Variants in PRDM10 observed in about 807,000 individuals in gnomAD.
The protein encoded by PRDM10 is PR/SET domain 10.
A neutral mutation model predicts 133.1 loss-of-function variants in PRDM10; 65 were observed. The observed-to-expected ratio is 0.49, with a 90% CI of 0.40 to 0.60. The LOEUF (loss-of-function observed/expected upper bound fraction) is 0.60. Among genes scored for constraint, PRDM10 ranks in the 20% least tolerant of loss-of-function variants. The probability of loss-of-function intolerance (pLI) is 0.00; values close to 1 mark genes in which losing one functional copy is unlikely to be tolerated. For missense variants in PRDM10, 1,137 were observed against 1,507.1 expected, an observed-to-expected ratio of 0.75 and a Z score of 4.07; for synonymous variants, 582 against 580.4, an observed-to-expected ratio of 1.00 and a Z score of -0.04.
At chr11:129,937,753 G>T in intron 7 of PRDM10, 83 bp from the exon 8 acceptor site, 2 of 1,292,468 alleles carry the variant, frequency 1.5e-6, no homozygotes, top group Admixed American at 2.0e-5. Flanking sequence ...CCTGCTTACA[G>T]GAAACAATTC....
intron 1 of PRDM10, among the ~76,000 whole-genome samples, chr11:129,969,763 T>A (rs1395816918): frequency 1.3e-5 from 2 of 152,116 alleles, no homozygotes; most frequent in African/African-American, 4.8e-5. Flanking sequence ...GCTGAGATTG[T>A]GCCACCACAC....
At chr11:129,932,051 C>G (rs374436444) in intron 10 of PRDM10, 51 bp downstream of exon 10, 3 of 1,579,100 alleles carry the variant, frequency 1.9e-6, no homozygotes, top group Non-Finnish European at 1.7e-6. Context: ...AGGGATCTGG[C>G]GAGTCCTCCA....
At chr11:129,943,358 CT>C (rs1362800545) in intron 6 of PRDM10, among the ~76,000 whole-genome samples, 2 of 152,214 alleles carry the variant, frequency 1.3e-5, no homozygotes, top group South Asian at 2.1e-4. Flanking sequence ...ACATAATTCT[CT>C]TTGCATTCCA....
intron 1 of PRDM10, among the ~76,000 whole-genome samples, chr11:130,001,432 G>A (rs541079834): frequency 6.6e-6 from 1 of 152,160 alleles, no homozygotes; most frequent in Non-Finnish European, 1.5e-5. Context: ...GTACTGCTAA[G>A]TTTAGAGAAT....
At chr11:129,966,646 C>T (rs906317537) in intron 1 of PRDM10, among the ~76,000 whole-genome samples, 2 of 152,150 alleles carry the variant, frequency 1.3e-5, no homozygotes, top group African/African-American at 2.4e-5. Flanking sequence ...CTTAACCAAC[C>T]GAGGCCCTTA....
intron 4 of PRDM10, among the ~76,000 whole-genome samples, chr11:129,951,632 C>T (rs1474797466): frequency 3.9e-5 from 6 of 152,208 alleles, no homozygotes; most frequent in Admixed American, 6.5e-5. Context: ...TAATGCATTT[C>T]AGGATACAAT....
intron 1 of PRDM10, among the ~76,000 whole-genome samples, chr11:129,995,995 T>C (rs943999119): frequency 2.0e-5 from 3 of 152,052 alleles, no homozygotes; most frequent in African/African-American, 7.2e-5. Context: ...AGGAAAACTT[T>C]ACAAACAACT....
intron 4 of PRDM10, among the ~76,000 whole-genome samples, chr11:129,950,762 C>G (rs529961529): frequency 6.6e-6 from 1 of 152,198 alleles, no homozygotes; most frequent in East Asian, 1.9e-4. Context: ...CTCATAAACT[C>G]GCTCTGCAGA....
chr11:129,968,738 A>T (rs1224819804), intron 1 of PRDM10, among the ~76,000 whole-genome samples: 1 of 152,022 alleles, frequency 6.6e-6, no homozygotes, highest in Non-Finnish European at 1.5e-5. Flanking sequence ...CTGCCCTCCT[A>T]GGAGCCCTGA....
At chr11:129,933,210 A>T (rs1950924926) in intron 9 of PRDM10, among the ~76,000 whole-genome samples, 1 of 152,238 alleles carries the variant, frequency 6.6e-6, no homozygotes, top group South Asian at 2.1e-4. Context: ...AATTTAACAA[A>T]TACTATATAT....
intron 10 of PRDM10, 91 bp from the exon 11 acceptor site, chr11:129,931,349 T>C: frequency 1.4e-6 from 2 of 1,455,726 alleles, no homozygotes; most frequent in Middle Eastern, 1.8e-4. Flanking sequence ...AATGACTAGA[T>C]TCATAATACT....
intron 19 of PRDM10, among the ~76,000 whole-genome samples, chr11:129,906,653 T>C (rs1009148655): frequency 2.0e-5 from 3 of 152,206 alleles, no homozygotes; most frequent in African/African-American, 7.2e-5. Context: ...TTTTTCTTTA[T>C]AAAAGTTTTC....
At position 129,943,620 on chromosome 11, in the gene PRDM10, G is replaced by C. The variant is rs189298730; in HGVS notation, c.763-991C>G. Among the ~76,000 whole-genome samples the C allele has an allele frequency of 5.9e-3, 902 of 152,130 alleles. 4 individuals are homozygous for C. Among genetic ancestry groups the C allele is most frequent in the Middle Eastern group, 0.02 (6 of 294 alleles). On this transcript the variant is annotated intron_variant, in intron 6 of 20. Transcript: ENST00000360871. ...CATGCCTGTAATCCTAGCACTTTGA[G>C]AGCCCAAGGCAGGAAGATCACTTGA...
At position 129,935,013 on chromosome 11, in the gene PRDM10, C is replaced by T. The variant is rs185334436; in HGVS notation, c.1157+88G>A. 31 of 1,151,978 alleles carry T rather than the reference C, an allele frequency of 2.7e-5. No homozygotes were observed. The African/African-American group carries it at 3.0e-4, about 11-fold the overall frequency. The allele number at this position is 1,151,978 out of a possible 1,614,324, so 71.4% of individuals were successfully genotyped here. On this transcript the variant is annotated intron_variant, in intron 9 of 20. Transcript: ENST00000360871. Reference sequence around the variant, plus strand: ...TGGTTACCTATCTATACATGACACTCGGAGACACTCATTAGCTAGTGGACA... The same window carrying T: ...TGGTTACCTATCTATACATGACACTTGGAGACACTCATTAGCTAGTGGACA...
chr11:129,967,194 G>C (rs1565500505), intron 1 of PRDM10, among the ~76,000 whole-genome samples: 1 of 152,060 alleles, frequency 6.6e-6, no homozygotes, highest in Non-Finnish European at 1.5e-5. Context: ...TTCGAGACCA[G>C]CCTGGCCAAC....
intron 19 of PRDM10, 82 bp downstream of exon 19, chr11:129,910,394 C>T: frequency 6.4e-7 from 1 of 1,568,514 alleles, no homozygotes; most frequent in Non-Finnish European, 8.7e-7. Flanking sequence ...CTTTAAAAAT[C>T]TATCACAAGC....
rs1617778 is a variant in PRDM10 at position 129,901,212 on chromosome 11, C to T, written c.*1101G>A. ...ATTTTTTCCCTAAGTGTGAAGTTGA[C>T]CGTCTTATTAAAAGGTCTAGATGAG... On this transcript the variant is annotated 3_prime_UTR_variant, in exon 21 of 21. Transcript: ENST00000360871. 150,600 of 152,762 alleles carry T rather than the reference C, an allele frequency of 0.99. 74,243 individuals carry two copies. The highest frequency in any genetic ancestry group is 1 in the East Asian group (5,178 of 5,178). The allele number at this position is 152,762 out of a possible 1,614,324, so 9.5% of individuals were successfully genotyped here. A position where few individuals can be genotyped will look rare whatever the true frequency, so the allele number is the denominator to read the frequency against.
rs1259678867 is a variant in PRDM10 at position 129,949,693 on chromosome 11, G to T, written c.295-2323C>A. 2.0e-5 allele frequency among the ~76,000 whole-genome samples: 3 copies of T among 152,120 alleles called. No homozygotes were observed. The East Asian group carries it at 5.8e-4, about 29-fold the overall frequency. On this transcript the variant is annotated intron_variant, in intron 4 of 20. Transcript: ENST00000360871. ...TGCCTGTAATCCCAGCACTTTGGGA[G>T]GCCAAGGTGCGCAGATCACCTGAGG...
At chr11:129,969,790 G>A (rs1320928720) in intron 1 of PRDM10, among the ~76,000 whole-genome samples, 1 of 152,074 alleles carries the variant, frequency 6.6e-6, no homozygotes, top group African/African-American at 2.4e-5. Context: ...CTGGGTGACA[G>A]AGTGAGACCC....
Sources: allele counts gnomAD v4.1 joint callset (sites outside exome capture counted in the v4.1 genomes callset), GRCh38; gene constraint gnomAD v4.1.1; transcripts MANE v1.5; gene names NCBI Gene and HGNC (gene_info 2026-07-23, HGNC 2026-07-21).